SEC62: variants seen among roughly 807,000 people sequenced by gnomAD.
SEC62 encodes the protein SEC62 preprotein translocation factor.
A neutral mutation model predicts 47.5 loss-of-function variants in SEC62; 10 were observed. That is an observed-to-expected ratio of 0.21 (90% CI 0.13 to 0.36). SEC62 has a LOEUF of 0.36. Ranked by LOEUF, SEC62 falls within the 10% of genes least tolerant of loss-of-function variation. The pLI is 1.00. For missense variants in SEC62, 327 were observed against 464.1 expected (o/e 0.70, Z 2.71); for synonymous variants, 136 against 150.5 (o/e 0.90, Z 0.71).
rs1450743038 is a variant in SEC62 at position 169,992,716 on chromosome 3, G to A, written c.853G>A (p.Glu285Lys). 6.2e-7 allele frequency: 1 copy of A among 1,614,102 alleles called. No individual in the cohort carries two copies. Among genetic ancestry groups the A allele is most frequent in the South Asian group, 1.1e-5 (1 of 91,078 alleles). ...IDSFRPLYTH[E>K]YKGPKADLKK... The stretch of plus-strand genomic sequence containing the variant: ...CTCCTTCAGGCCTCTGTACACACAT[G>A]AATACAAAGGACCAAAAGCAGACTT... The change falls in exon 8 of 8, where the codon GAA becomes AAA. Residue 285 changes from glutamate to lysine, a missense_variant. Glu to Lys is a moderately conservative substitution (Grantham distance 56, BLOSUM62 1). This residue lies in a region of SEC62 where 99 missense variants were observed against 194.0 expected (regional missense o/e 0.51). Coordinates refer to ENST00000337002, the MANE Select transcript of SEC62 (RefSeq NM_003262.4). The surrounding 1 kb of genome is among the most constrained non-coding windows in gnomAD (Gnocchi z 4.0).
intron 7 of SEC62, among the ~76,000 whole-genome samples, chr3:169,988,862 T>C (rs1032099411): frequency 6.6e-6 from 1 of 152,048 alleles, no homozygotes; most frequent in Non-Finnish European, 1.5e-5. Flanking sequence ...TTAGACATAA[T>C]ACTTTCAGTA....
chr3:169,973,635 C>T (rs1301921093), intron 1 of SEC62, among the ~76,000 whole-genome samples: 2 of 150,762 alleles, frequency 1.3e-5, no homozygotes, highest in Admixed American at 1.3e-4. Flanking sequence ...TGCACTCCAG[C>T]CTGGGAGACA....
chr3:169,975,055 C>T (rs572797482), intron 1 of SEC62, among the ~76,000 whole-genome samples: 3 of 152,090 alleles, frequency 2.0e-5, no homozygotes, highest in East Asian at 3.9e-4. Flanking sequence ...CCTAGGCTGG[C>T]GGATCACTTG....
intron 5 of SEC62, chr3:169,983,760 C>T (rs1243229050): frequency 6.6e-6 from 1 of 152,194 alleles, no homozygotes; most frequent in African/African-American, 2.4e-5. Context: ...AACATAGTCA[C>T]ATGGTCATGC....
chr3:169,967,277 A>C (rs1439016111), intron 1 of SEC62, among the ~76,000 whole-genome samples: 1 of 152,114 alleles, frequency 6.6e-6, no homozygotes, highest in Non-Finnish European at 1.5e-5. Context: ...AATTAAGGCC[A>C]CGGTAATAGG....
At chr3:169,991,589 T>G (rs1474955615) in intron 7 of SEC62, among the ~76,000 whole-genome samples, 6 of 152,054 alleles carry the variant, frequency 3.9e-5, no homozygotes, top group Non-Finnish European at 1.5e-5. Context: ...GGCACGTACC[T>G]GCTACTTGGA....
rs1351500550 is a variant in SEC62, at chr3:169,994,805, A to T, written c.*1742A>T. ...ATTAACCTTTACTATTACTGTGATA[A>T]TACCCAGGCACTCAATATTCATCCT... On this transcript the variant is annotated 3_prime_UTR_variant, in exon 8 of 8. Transcript: ENST00000337002. 6.6e-6 allele frequency: 1 copy of T among 152,176 alleles called. No individual in the cohort carries two copies. The highest frequency in any genetic ancestry group is 1.5e-5 in the Non-Finnish European group (1 of 68,002). 9.4% of individuals were successfully genotyped at this position (152,176 alleles called of 1,614,324 possible).
chr3:169,966,954 A>G (rs1224289028), intron 1 of SEC62, 96 bp downstream of exon 1: 39 of 89,590 alleles, frequency 4.4e-4, no homozygotes, highest in Non-Finnish European at 8.3e-4. Context: ...AGCAAGGGCG[A>G]GGTGGGGTGG....
intron 3 of SEC62, 95 bp downstream of exon 3, chr3:169,977,146 A>ATTT: frequency 2.8e-6 from 2 of 713,136 alleles, no homozygotes; most frequent in Non-Finnish European, 4.5e-6. Context: ...GTGATACTAC[A>ATTT]ACATAACTCA....
At chr3:169,966,974 G>T in intron 1 of SEC62, 116 bp downstream of exon 1, 3 of 931,156 alleles carry the variant, frequency 3.2e-6, no homozygotes, top group Admixed American at 2.7e-5. Flanking sequence ...GGGTGGGGTG[G>T]GGTTCCGCCG....
In SEC62 at chr3:169,993,265, T is replaced by C. The variant is rs1364669737; in HGVS notation, c.*202T>C. The C allele has an allele frequency of 2.1e-6, 1 of 481,262 alleles. No homozygotes were observed. Among genetic ancestry groups the C allele is most frequent in the Non-Finnish European group, 3.6e-6 (1 of 274,044 alleles). 29.8% of individuals were successfully genotyped at this position (481,262 alleles called of 1,614,324 possible). ...TTGGTACAGTTTAAAGCCATTAATA[T>C]GTTTTATCCATTTGATAATTTTACA... On this transcript the variant is annotated 3_prime_UTR_variant, in exon 8 of 8. Coordinates refer to ENST00000337002, the MANE Select transcript of SEC62 (RefSeq NM_003262.4).
Position 169,992,724 on chromosome 3 carries a change from A to G in SEC62, c.861A>G (p.Lys287=), listed in dbSNP as rs774320345. ...GGCCTCTGTACACACATGAATACAA[A>G]GGACCAAAAGCAGACTTAAAGAAAG... ...SFRPLYTHEY[K]GPKADLKKDE... Residue 287 remains lysine (K), a synonymous_variant, in exon 8 of 8, where the codon AAA becomes AAG. Coordinates refer to ENST00000337002, the MANE Select transcript of SEC62 (RefSeq NM_003262.4). The surrounding 1 kb of genome is among the most constrained non-coding windows in gnomAD (Gnocchi z 4.0). 1.2e-5 allele frequency: 19 copies of G among 1,614,190 alleles called. No individual in the cohort carries two copies. Among genetic ancestry groups the G allele is most frequent in the Non-Finnish European group, 1.6e-5 (19 of 1,180,034 alleles).
intron 6 of SEC62, among the ~76,000 whole-genome samples, chr3:169,986,518 C>T (rs572840980): frequency 6.6e-6 from 1 of 151,948 alleles, no homozygotes; most frequent in African/African-American, 2.4e-5. Flanking sequence ...CGTACATGTG[C>T]AAGGATATTA....
chr3:169,982,820 AT>A lies in SEC62; in HGVS notation c.366del (p.Asp122GlufsTer9). On this transcript the variant is annotated frameshift_variant, in exon 4 of 8. Coordinates refer to ENST00000337002, the MANE Select transcript of SEC62 (RefSeq NM_003262.4). LOFTEE classifies it high-confidence loss of function. ...AAAGCTGAAAGTGGAAAAGAAGAAG[AT>A]AAAAAGAGCAAGAAAGAAAATATAA... ...KGKAESGKEE[D>X]KKSKKENIKD... 1 of 1,595,804 alleles carries A rather than the reference AT, an allele frequency of 6.3e-7. No individual in the cohort carries two copies. Among genetic ancestry groups the A allele is most frequent in the Non-Finnish European group, 8.5e-7 (1 of 1,171,492 alleles).
At chr3:169,973,539 T>G (rs1269396265) in intron 1 of SEC62, among the ~76,000 whole-genome samples, 2 of 151,866 alleles carry the variant, frequency 1.3e-5, no homozygotes, top group African/African-American at 4.8e-5. Flanking sequence ...GGTGGGCACC[T>G]GTAATCCCAG....
chr3:169,993,749 C>T lies in SEC62; in HGVS notation c.*686C>T, dbSNP rs1468666932. 3 of 152,622 alleles carry T rather than the reference C, an allele frequency of 2.0e-5. No individual in the cohort carries two copies. The highest frequency in any genetic ancestry group is 1.9e-4 in the East Asian group (1 of 5,202). The allele number at this position is 152,622 out of a possible 1,614,324, so 9.5% of individuals were successfully genotyped here. ...ATTTGTTGGAAGGTGATGGCTCTCC[C>T]TCCTCCCTCCCCATTTCATTGGCGT... On this transcript the variant is annotated 3_prime_UTR_variant, in exon 8 of 8. Coordinates refer to ENST00000337002, the MANE Select transcript of SEC62 (RefSeq NM_003262.4).
Position 169,995,146 on chromosome 3 carries a change from G to T in SEC62, c.*2083G>T, listed in dbSNP as rs1715344441. 1 of 152,098 alleles carries T rather than the reference G, an allele frequency of 6.6e-6. No homozygotes were observed. Among genetic ancestry groups the T allele is most frequent in the Non-Finnish European group, 1.5e-5 (1 of 68,002 alleles). The allele number at this position is 152,098 out of a possible 1,614,324, so 9.4% of individuals were successfully genotyped here. A position where few individuals can be genotyped will look rare whatever the true frequency, so the allele number is the denominator to read the frequency against. ...TTCTTGGCTAACATTAAATATTCTTGTACCAGAGCATGGAAAATCGTTTAT... is the reference window on the plus strand; with the variant it reads ...TTCTTGGCTAACATTAAATATTCTTTTACCAGAGCATGGAAAATCGTTTAT... On this transcript the variant is annotated 3_prime_UTR_variant, in exon 8 of 8. Transcript: ENST00000337002.
chr3:169,986,063 A>G (rs1197592121), intron 6 of SEC62, among the ~76,000 whole-genome samples, 198 bp downstream of exon 6: 1 of 152,232 alleles, frequency 6.6e-6, no homozygotes, highest in Non-Finnish European at 1.5e-5. Context: ...AGAGATTAAC[A>G]AACTGATAGA....
chr3:169,978,034 C>T (rs1051698281), intron 3 of SEC62, among the ~76,000 whole-genome samples: 1 of 152,192 alleles, frequency 6.6e-6, no homozygotes, highest in Non-Finnish European at 1.5e-5. Flanking sequence ...AATCCCAGCA[C>T]TTTGGGAGGC....
Sources: allele counts gnomAD v4.1 joint callset (sites outside exome capture counted in the v4.1 genomes callset), GRCh38; gene constraint gnomAD v4.1.1; regional missense constraint gnomAD v4.1.1; non-coding constraint Gnocchi (gnomAD v3.1); transcripts MANE v1.5; gene names NCBI Gene and HGNC (gene_info 2026-07-23, HGNC 2026-07-21).